INSL6: variants seen among roughly 807,000 people sequenced by gnomAD.
INSL6 encodes the protein insulin-like peptide INSL6.
In INSL6, 16 loss-of-function variants were observed where a neutral mutation model predicts 9.4. The observed-to-expected ratio is 1.70, with a 90% CI of 1.15 to 2.59. INSL6 has a LOEUF of 2.59. Ranked by LOEUF, INSL6 falls within the 30% of genes most tolerant of loss-of-function variation. The pLI is 0.00. For synonymous variants in INSL6, 154 were observed against 96.9 expected (o/e 1.59, Z -3.46); for missense variants, 391 against 257.3 (o/e 1.52, Z -3.56).
chr9:5,176,565 AG>A (rs1825312975), intron 1 of INSL6, among the ~76,000 whole-genome samples: 2 of 152,168 alleles, frequency 1.3e-5, no homozygotes, highest in Non-Finnish European at 2.9e-5. Flanking sequence ...ACCTTAATAA[AG>A]TTCAGCCCTA....
chr9:5,137,582 A>G (rs1824409924), intron 2 of INSL6, among the ~76,000 whole-genome samples: 1 of 152,202 alleles, frequency 6.6e-6, no homozygotes, highest in African/African-American at 2.4e-5. Flanking sequence ...TTATACAAAA[A>G]TTAACTCAAG....
At chr9:5,084,433 C>T in the INSL6 span, among the ~76,000 whole-genome samples, 2 of 152,050 alleles carry the variant, frequency 1.3e-5, no homozygotes, top group Non-Finnish European at 2.9e-5. Context: ...TACTGTATCC[C>T]TTTGTTATCC....
At chr9:5,001,158 T>C in the INSL6 span, among the ~76,000 whole-genome samples, 1 of 152,186 alleles carries the variant, frequency 6.6e-6, no homozygotes, top group Non-Finnish European at 1.5e-5. Flanking sequence ...AAAAGTTTTA[T>C]TTCTTTCATT....
chr9:5,028,069 T>A, the INSL6 span, among the ~76,000 whole-genome samples: 5 of 152,234 alleles, frequency 3.3e-5, no homozygotes, highest in African/African-American at 9.6e-5. Context: ...CCATAAGTTT[T>A]TTTATTTACT....
chr9:5,088,791 T>C, the INSL6 span, among the ~76,000 whole-genome samples: 1 of 152,254 alleles, frequency 6.6e-6, no homozygotes, highest in African/African-American at 2.4e-5. Context: ...ATTGCTCTAA[T>C]GTCTCTTCCT....
the INSL6 span, chr9:5,114,207 T>A: frequency 2.0e-6 from 1 of 495,468 alleles, no homozygotes; most frequent in South Asian, 1.8e-5. Context: ...CCTGAGCCGG[T>A]CCAGCCCCTT....
chr9:5,140,714 C>T (rs962167285), intron 2 of INSL6, among the ~76,000 whole-genome samples: 89 of 126,546 alleles, frequency 7.0e-4, no homozygotes, highest in Non-Finnish European at 3.9e-4. Context: ...GGTGGGGATT[C>T]ATTTTTTTTT....
At chr9:5,040,963 A>G in the INSL6 span, 2 of 550,388 alleles carry the variant, frequency 3.6e-6, no homozygotes, top group Admixed American at 4.9e-5. Flanking sequence ...TCTCTATACA[A>G]ACAAATATGT....
At chr9:5,092,528 A>C in the INSL6 span, among the ~76,000 whole-genome samples, 2 of 152,180 alleles carry the variant, frequency 1.3e-5, no homozygotes, top group Admixed American at 1.3e-4. Context: ...ATCGTAATCA[A>C]ACCATTTACC....
intron 2 of INSL6, among the ~76,000 whole-genome samples, chr9:5,134,949 T>C (rs1485282382): frequency 6.6e-6 from 1 of 152,102 alleles, no homozygotes; most frequent in Non-Finnish European, 1.5e-5. Context: ...CCAGCTCACA[T>C]GCAAAGACAC....
the INSL6 span, chr9:5,054,522 T>G: frequency 6.9e-7 from 1 of 1,441,238 alleles, no homozygotes; most frequent in African/African-American, 1.4e-5. The surrounding 1 kb of genome is among the most constrained non-coding windows in gnomAD (Gnocchi z 4.9). Context: ...TTCCAATTTT[T>G]GTTTTGTTTT....
At chr9:5,112,894 G>A in the INSL6 span, 1 of 358,282 alleles carries the variant, frequency 2.8e-6, no homozygotes. Context: ...CAGCCCCGTG[G>A]GCTGGGCCCA....
At chr9:5,104,509 G>C in the INSL6 span, among the ~76,000 whole-genome samples, 1 of 152,152 alleles carries the variant, frequency 6.6e-6, no homozygotes, top group Non-Finnish European at 1.5e-5. Flanking sequence ...CATTCCTTCT[G>C]AAACTATTCC....
chr9:5,099,066 T>C, the INSL6 span: 2 of 152,302 alleles, frequency 1.3e-5, no homozygotes, highest in South Asian at 2.1e-4. Context: ...TTGAAGTTGA[T>C]AACCGAACAA....
the INSL6 span, among the ~76,000 whole-genome samples, chr9:5,025,913 A>G: frequency 5.3e-5 from 8 of 152,318 alleles, no homozygotes; most frequent in East Asian, 3.9e-4. Flanking sequence ...CCATCTGTCT[A>G]TATTTTCAAG....
At chr9:5,048,031 A>G in the INSL6 span, among the ~76,000 whole-genome samples, 1 of 152,176 alleles carries the variant, frequency 6.6e-6, no homozygotes, top group South Asian at 2.1e-4. Context: ...TGAATAGTTT[A>G]TTATGTTTTT....
At chr9:5,102,179 T>C in the INSL6 span, among the ~76,000 whole-genome samples, 1 of 151,890 alleles carries the variant, frequency 6.6e-6, no homozygotes. Flanking sequence ...CAATAAACAG[T>C]GTAGAGAAGA....
intron 1 of INSL6, among the ~76,000 whole-genome samples, chr9:5,181,696 C>T (rs984364598): frequency 6.6e-6 from 1 of 152,138 alleles, no homozygotes; most frequent in Non-Finnish European, 1.5e-5. Flanking sequence ...ACATCTAAAA[C>T]CAACAACTAG....
At chr9:5,176,688 T>G (rs1825315877) in intron 1 of INSL6, among the ~76,000 whole-genome samples, 1 of 150,648 alleles carries the variant, frequency 6.6e-6, no homozygotes, top group Admixed American at 6.6e-5. Flanking sequence ...TGCGTGCCCT[T>G]TAAGCCTGGG....
Sources: allele counts gnomAD v4.1 joint callset (sites outside exome capture counted in the v4.1 genomes callset), GRCh38; gene constraint gnomAD v4.1.1; non-coding constraint Gnocchi (gnomAD v3.1); transcripts MANE v1.5; gene names NCBI Gene and HGNC (gene_info 2026-07-23, HGNC 2026-07-21).